Variants in TOMM20 observed in about 807,000 individuals in gnomAD.
The protein encoded by TOMM20 is mitochondrial import receptor subunit TOM20 homolog.
In TOMM20, 10 loss-of-function variants were observed where a neutral mutation model predicts 22.1. That is an observed-to-expected ratio of 0.45 (90% confidence interval 0.28 to 0.77). TOMM20 has a LOEUF of 0.77. Among genes scored for constraint, TOMM20 ranks in the 30% least tolerant of loss-of-function variants. The probability of loss-of-function intolerance (pLI) is 0.13; values close to 1 mark genes in which losing one functional copy is unlikely to be tolerated. For synonymous variants in TOMM20, 55 were observed against 61.4 expected, an observed-to-expected ratio of 0.90 and a Z score of 0.49; for missense variants, 121 against 172.2, an observed-to-expected ratio of 0.70 and a Z score of 1.66.
chr1:235,127,997 G>A (rs1661057578), intron 1 of TOMM20: 2 of 459,472 alleles, frequency 4.4e-6, no homozygotes, highest in Non-Finnish European at 8.6e-6. Context: ...CCAACACGGT[G>A]AAACCCCGTC....
intron 1 of TOMM20, among the ~76,000 whole-genome samples, chr1:235,126,971 T>G (rs754714024): frequency 5.9e-5 from 9 of 152,218 alleles, no homozygotes; most frequent in Non-Finnish European, 1.2e-4. Flanking sequence ...AGGTTGCCGC[T>G]AAATCCAGAA....
At chr1:235,121,774 T>A (rs1660935126) in intron 2 of TOMM20, among the ~76,000 whole-genome samples, 1 of 152,170 alleles carries the variant, frequency 6.6e-6, no homozygotes. Flanking sequence ...ACCAAGTAGA[T>A]AAACCTACAT....
At chr1:235,116,336 C>T (rs1226518724) in intron 3 of TOMM20, among the ~76,000 whole-genome samples, 5 of 151,318 alleles carry the variant, frequency 3.3e-5, no homozygotes, top group South Asian at 2.1e-4. Context: ...GTCAAAATAT[C>T]GAGACCATCC....
intron 1 of TOMM20, chr1:235,127,924 G>A (rs746922003): frequency 5.8e-6 from 3 of 518,710 alleles, no homozygotes; most frequent in South Asian, 1.4e-5. Flanking sequence ...TACCAAGAGG[G>A]TTTAAGAATG....
chr1:235,112,052 G>A lies in TOMM20; in HGVS notation c.*12C>T, dbSNP rs6913. On this transcript the variant is annotated 3_prime_UTR_variant, in exon 5 of 5. Coordinates refer to ENST00000366607, the MANE Select transcript of TOMM20 (RefSeq NM_014765.3). ...TTTTTAACTGAGATTTTATTATGTT[G>A]ACATTTGTTTCTCATTCCACATCAT... 16,578 of 1,603,810 alleles carry A rather than the reference G, an allele frequency of 0.01. 169 individuals are homozygous for A. The highest frequency in any genetic ancestry group is 0.033 in the South Asian group (2,926 of 89,060).
At chr1:235,122,727 T>A (rs1469068089) in intron 1 of TOMM20, among the ~76,000 whole-genome samples, 3 of 152,212 alleles carry the variant, frequency 2.0e-5, no homozygotes, top group African/African-American at 7.2e-5. Context: ...CCACTAGTAT[T>A]AGGGAGTTTT....
At chr1:235,113,966 ATTAACT>A (rs1660784870) in intron 3 of TOMM20, 56 bp from the exon 4 acceptor site, 1 of 1,510,028 alleles carries the variant, frequency 6.6e-7, no homozygotes, top group Non-Finnish European at 8.9e-7. Context: ...CTTTGTCAAA[ATTAACT>A]TTACACACTA....
At chr1:235,118,237 G>A (rs1387425134) in intron 3 of TOMM20, among the ~76,000 whole-genome samples, 1 of 152,190 alleles carries the variant, frequency 6.6e-6, no homozygotes, top group Non-Finnish European at 1.5e-5. Context: ...TTGCTGACTG[G>A]ATAGCCAGAT....
intron 3 of TOMM20, among the ~76,000 whole-genome samples, chr1:235,117,758 T>G (rs1660859565): frequency 6.6e-6 from 1 of 152,204 alleles, no homozygotes; most frequent in Non-Finnish European, 1.5e-5. Context: ...TGATGGCACC[T>G]GAGTATAAGT....
intron 3 of TOMM20, among the ~76,000 whole-genome samples, chr1:235,117,350 C>T (rs968389698): frequency 6.6e-5 from 10 of 150,784 alleles, no homozygotes; most frequent in Non-Finnish European, 1.3e-4. Context: ...CCCAGCTACT[C>T]ATGAGGCTGA....
At chr1:235,127,843 G>A (rs1661052667) in intron 1 of TOMM20, 1 of 519,162 alleles carries the variant, frequency 1.9e-6, no homozygotes, top group African/African-American at 1.9e-5. Context: ...CACGGGAGAA[G>A]CGCAGCCCTT....
chr1:235,116,872 A>G (rs1031872998), intron 3 of TOMM20, among the ~76,000 whole-genome samples: 67 of 152,242 alleles, frequency 4.4e-4, no homozygotes, highest in African/African-American at 1.5e-3. Context: ...ACGCTGGCTC[A>G]AGCCTGTAAT....
intron 1 of TOMM20, chr1:235,128,059 A>C (rs1661061506): frequency 2.8e-6 from 1 of 351,130 alleles, no homozygotes; most frequent in Admixed American, 3.8e-5. Context: ...CTGTAATCCC[A>C]GCTACTGGGG....
chr1:235,128,786 G>A lies in TOMM20; in HGVS notation c.-71C>T, dbSNP rs1346677215. 4.4e-6 allele frequency: 7 copies of A among 1,603,752 alleles called. No individual in the cohort carries two copies. Among genetic ancestry groups the A allele is most frequent in the Admixed American group, 3.4e-5 (2 of 59,502 alleles). On this transcript the variant is annotated 5_prime_UTR_variant, in exon 1 of 5. Transcript: ENST00000366607. ...AGGAGCGGTGGGCCACGAACCCTCA[G>A]AGCGGTCGGCGCAGCTCACACCCGA...
chr1:235,119,995 ATCAC>A (rs1316244465), intron 2 of TOMM20, 96 bp from the exon 3 acceptor site: 3 of 683,506 alleles, frequency 4.4e-6, no homozygotes, highest in Non-Finnish European at 6.8e-6. Flanking sequence ...AAAAAACCAA[ATCAC>A]TCATTCTAAA....
chr1:235,115,351 C>T (rs137890924), intron 3 of TOMM20, among the ~76,000 whole-genome samples: 1,731 of 152,024 alleles, frequency 0.011, 31 homozygotes, highest in African/African-American at 0.036. Flanking sequence ...ATAATACGGC[C>T]GGGAGCAGTG....
rs192186043 is a variant in TOMM20, at chr1:235,110,795, G to A, written c.*1269C>T. The A allele has an allele frequency of 2.6e-5, 4 of 152,258 alleles. No individual in the cohort carries two copies. 9.4% of individuals were successfully genotyped at this position (152,258 alleles called of 1,614,324 possible). A position where few individuals can be genotyped will look rare whatever the true frequency, so the allele number is the denominator to read the frequency against. ...CTCCAGACTTTTAGACAGAACAAAG[G>A]CAATCTTTACAATGAGAAATGCTCC... On this transcript the variant is annotated 3_prime_UTR_variant, in exon 5 of 5. Coordinates refer to ENST00000366607, the MANE Select transcript of TOMM20 (RefSeq NM_014765.3).
intron 3 of TOMM20, among the ~76,000 whole-genome samples, chr1:235,117,764 T>C (rs559124087): frequency 4.6e-5 from 7 of 152,172 alleles, no homozygotes; most frequent in Non-Finnish European, 8.8e-5. Flanking sequence ...CACCTGAGTA[T>C]AAGTAAAGGT....
chr1:235,128,061 C>A, intron 1 of TOMM20: 1 of 345,800 alleles, frequency 2.9e-6, no homozygotes, highest in Non-Finnish European at 5.7e-6. Flanking sequence ...GTAATCCCAG[C>A]TACTGGGGAG....
Sources: allele counts gnomAD v4.1 joint callset (sites outside exome capture counted in the v4.1 genomes callset), GRCh38; gene constraint gnomAD v4.1.1; transcripts MANE v1.5; gene names NCBI Gene and HGNC (gene_info 2026-07-23, HGNC 2026-07-21).